Variants in LTN1 observed in about 807,000 individuals in gnomAD.
LTN1 encodes E3 ubiquitin-protein ligase listerin.
Under a neutral mutation model 201.2 loss-of-function variants are expected in LTN1, and 88 were observed. The observed-to-expected ratio is 0.44, with a 90% confidence interval of 0.37 to 0.52. The LOEUF (loss-of-function observed/expected upper bound fraction) is 0.52, where lower values mean the gene tolerates loss of function less well. Among genes scored for constraint, LTN1 ranks in the 20% least tolerant of loss-of-function variants. The pLI, the probability that LTN1 is intolerant of heterozygous loss-of-function variation, is 0.00. For missense variants in LTN1, 1,752 were observed against 2,038.7 expected, an observed-to-expected ratio of 0.86 and a Z score of 2.71; for synonymous variants, 645 against 713.5, an observed-to-expected ratio of 0.90 and a Z score of 1.53.
chr21:28,978,250 T>G (rs2084632030), intron 6 of LTN1, among the ~76,000 whole-genome samples: 1 of 152,182 alleles, frequency 6.6e-6, no homozygotes, highest in African/African-American at 2.4e-5. Context: ...CAGGCTGGTT[T>G]GGAACTCATG....
chr21:28,955,871 C>A (rs1251720348), intron 16 of LTN1, among the ~76,000 whole-genome samples: 1 of 137,676 alleles, frequency 7.3e-6, no homozygotes, highest in South Asian at 2.3e-4. Flanking sequence ...TGTGGTGAGC[C>A]GAGATTGCGC....
At chr21:28,982,416 A>T (rs146777372) in intron 4 of LTN1, 48 bp from the exon 5 acceptor site, 3 of 1,369,112 alleles carry the variant, frequency 2.2e-6, no homozygotes, top group Non-Finnish European at 3.1e-6. Flanking sequence ...TGAACTGTCA[A>T]TGGTGAACAG....
Position 28,929,973 on chromosome 21 carries a change from C to G in LTN1, c.*475G>C, listed in dbSNP as rs1323012958. 1 of 152,228 alleles carries G rather than the reference C, an allele frequency of 6.6e-6. No individual in the cohort carries two copies. The highest frequency in any genetic ancestry group is 2.4e-5 in the African/African-American group (1 of 41,422). The allele number at this position is 152,228 out of a possible 1,614,324, so 9.4% of individuals were successfully genotyped here. On this transcript the variant is annotated 3_prime_UTR_variant, in exon 30 of 30. Coordinates refer to ENST00000361371, the MANE Select transcript of LTN1 (RefSeq NM_015565.3). ...TATCATTAAAATAATCTACAAATAT[C>G]AGAATACTAATTTATTGTCATAACT...
chr21:28,968,692 C>A (rs906461703), intron 9 of LTN1, among the ~76,000 whole-genome samples: 4 of 151,874 alleles, frequency 2.6e-5, no homozygotes, highest in African/African-American at 9.7e-5. Context: ...CGGCTCACTG[C>A]AACCTCTGCC....
intron 6 of LTN1, among the ~76,000 whole-genome samples, chr21:28,978,794 AAAG>A (rs2084636331): frequency 6.6e-6 from 1 of 152,216 alleles, no homozygotes; most frequent in South Asian, 2.1e-4. Context: ...TCCTGCATAA[AAAG>A]AAAAAGAGAA....
chr21:28,943,396 C>T lies in LTN1; in HGVS notation c.4221-60G>A, dbSNP rs941075212. Reference sequence around the variant, plus strand: ...ATTAAACTGTTTATTAAGTCGTGCTCAAGAGCAGAAAGACCAATACTTATT... The same window carrying T: ...ATTAAACTGTTTATTAAGTCGTGCTTAAGAGCAGAAAGACCAATACTTATT... On this transcript the variant is annotated intron_variant, in intron 23 of 29. Transcript: ENST00000361371. 34 of 1,058,680 alleles carry T rather than the reference C, an allele frequency of 3.2e-5. No individual in the cohort carries two copies. In the Middle Eastern group the frequency reaches 8.3e-4, roughly 26 times the overall value. The allele number at this position is 1,058,680 out of a possible 1,614,324, so 65.6% of individuals were successfully genotyped here.
chr21:28,939,731 G>A (rs763117814), intron 25 of LTN1, among the ~76,000 whole-genome samples: 1 of 152,150 alleles, frequency 6.6e-6, no homozygotes, highest in Non-Finnish European at 1.5e-5. Context: ...AATATAAAAT[G>A]AGAACAAAAC....
intron 21 of LTN1, among the ~76,000 whole-genome samples, chr21:28,945,589 G>A (rs955983762): frequency 2.6e-5 from 4 of 152,174 alleles, no homozygotes; most frequent in African/African-American, 9.7e-5. Flanking sequence ...TTAATAACAG[G>A]AGATTTGGTC....
intron 6 of LTN1, among the ~76,000 whole-genome samples, chr21:28,974,939 G>A (rs1371075353): frequency 2.0e-5 from 3 of 151,836 alleles, no homozygotes; most frequent in Non-Finnish European, 4.4e-5. Context: ...CCCACCACAG[G>A]CATAATGGTT....
At chr21:28,990,310 G>A (rs2084734820) in intron 1 of LTN1, among the ~76,000 whole-genome samples, 1 of 152,170 alleles carries the variant, frequency 6.6e-6, no homozygotes, top group Non-Finnish European at 1.5e-5. Context: ...CCACATTAAA[G>A]TTAAAATCCC....
chr21:28,938,420 T>A (rs1159977099), intron 25 of LTN1, among the ~76,000 whole-genome samples: 2 of 152,220 alleles, frequency 1.3e-5, no homozygotes, highest in Non-Finnish European at 2.9e-5. Context: ...CTTTTTTATC[T>A]AAAAGAGTAT....
chr21:28,978,905 A>C (rs1247352692), intron 6 of LTN1, among the ~76,000 whole-genome samples: 1 of 152,268 alleles, frequency 6.6e-6, no homozygotes, highest in Non-Finnish European at 1.5e-5. Context: ...AATTCCAGTT[A>C]AAGAGAGATA....
At chr21:28,956,509 T>C (rs2084426699) in intron 16 of LTN1, among the ~76,000 whole-genome samples, 3 of 152,202 alleles carry the variant, frequency 2.0e-5, no homozygotes, top group African/African-American at 7.2e-5. Context: ...ATTGATGTCA[T>C]GACAGCCTGA....
chr21:28,955,409 A>G (rs2084416667), intron 16 of LTN1, among the ~76,000 whole-genome samples: 1 of 132,164 alleles, frequency 7.6e-6, no homozygotes. Context: ...GGAAAACGAT[A>G]TGGAAGTATT....
In LTN1 at chr21:28,984,695, T is replaced by G; in HGVS notation, c.573A>C (p.Thr191=). ...TCAGAATGATTCCAGAACTTACACT[T>G]GTAATTTCATCCTTACAAAATGCTA... The part of the protein sequence containing the change: ...EAIAFCKDEI[T]SVLQDHLIKE... Residue 191 remains threonine (T), a synonymous_variant, in exon 4 of 30, where the codon ACA becomes ACC. Coordinates refer to ENST00000361371, the MANE Select transcript of LTN1 (RefSeq NM_015565.3). 2.5e-6 allele frequency: 4 copies of G among 1,610,908 alleles called. No individual in the cohort carries two copies. The South Asian group carries it at 3.3e-5, about 13-fold the overall frequency.
intron 4 of LTN1, 27 bp from the exon 5 acceptor site, chr21:28,982,395 T>G: frequency 1.3e-6 from 2 of 1,593,962 alleles, no homozygotes; most frequent in Non-Finnish European, 1.7e-6. Context: ...TACCAAAGCC[T>G]TTGGTTTTAC....
In LTN1 at chr21:28,985,707, T is replaced by G. The variant is rs191840742; in HGVS notation, c.345+432A>C. On this transcript the variant is annotated intron_variant, in intron 3 of 29. Transcript: ENST00000361371. ...CATTGTCTTGTTCTATTGTCCAGGC[T>G]GGAGTGCAGTGGTGCAATCTTGGCT... 7.4e-4 allele frequency among the ~76,000 whole-genome samples: 112 copies of G among 151,702 alleles called. 2 individuals carry two copies. In the East Asian group the frequency reaches 0.021, roughly 29 times the overall value.
chr21:28,959,823 A>C, intron 12 of LTN1, 126 bp from the exon 13 acceptor site: 2 of 756,460 alleles, frequency 2.6e-6, no homozygotes, highest in Non-Finnish European at 2.1e-6. Context: ...ACAAAATTTT[A>C]TCAACAAATC....
At chr21:28,934,999 C>T in intron 27 of LTN1, 110 bp downstream of exon 27, 1 of 758,556 alleles carries the variant, frequency 1.3e-6, no homozygotes, top group Non-Finnish European at 2.2e-6. Context: ...TCCTGGCCAC[C>T]AGTTTCTATA....
Sources: allele counts gnomAD v4.1 joint callset (sites outside exome capture counted in the v4.1 genomes callset), GRCh38; gene constraint gnomAD v4.1.1; transcripts MANE v1.5; gene names NCBI Gene and HGNC (gene_info 2026-07-23, HGNC 2026-07-21).